The following CNBD1 variants were observed in gnomAD, a reference collection of about 807,000 sequenced individuals.
CNBD1 encodes the protein cyclic nucleotide binding domain containing 1, also known as cyclic nucleotide-binding domain-containing protein 1.
CNBD1 carries 71 observed loss-of-function variants against 54.4 expected under a neutral mutation model. The observed-to-expected ratio is 1.30, with a 90% CI of 1.08 to 1.59. CNBD1 has a LOEUF of 1.59. Among genes scored for constraint, CNBD1 ranks in the 40% most tolerant of loss-of-function variants. CNBD1 has a pLI of 0.00. For synonymous variants in CNBD1, 182 were observed against 170.7 expected, an observed-to-expected ratio of 1.07 and a Z score of -0.51; for missense variants, 659 against 518.0, an observed-to-expected ratio of 1.27 and a Z score of -2.64.
chr8:87,327,779 G>C (rs1809716196), intron 8 of CNBD1, among the ~76,000 whole-genome samples: 2 of 152,278 alleles, frequency 1.3e-5, no homozygotes, highest in East Asian at 3.9e-4. Flanking sequence ...CGCTCACGCT[G>C]GGAGCTGTAG....
chr8:86,962,915 A>G (rs1807968951), intron 4 of CNBD1, among the ~76,000 whole-genome samples: 1 of 152,104 alleles, frequency 6.6e-6, no homozygotes, highest in African/African-American at 2.4e-5. Flanking sequence ...TTGACCCTGG[A>G]GTCCTGTGAA....
chr8:87,369,749 A>C (rs1040348645), intron 10 of CNBD1, among the ~76,000 whole-genome samples: 5 of 151,640 alleles, frequency 3.3e-5, no homozygotes, highest in African/African-American at 9.7e-5. Flanking sequence ...ATTATACTTT[A>C]AGTTTTAGGG....
At chr8:86,942,623 A>G (rs1004036053) in intron 4 of CNBD1, among the ~76,000 whole-genome samples, 1 of 152,224 alleles carries the variant, frequency 6.6e-6, no homozygotes, top group Non-Finnish European at 1.5e-5. Flanking sequence ...CAAAGCTAGC[A>G]AGGGAGAGTC....
intron 6 of CNBD1, among the ~76,000 whole-genome samples, chr8:87,277,868 T>G (rs1175835407): frequency 6.6e-6 from 1 of 151,684 alleles, no homozygotes; most frequent in Non-Finnish European, 1.5e-5. Context: ...GACAACATTT[T>G]TTATAAACAA....
chr8:87,128,150 A>C (rs112130072), intron 4 of CNBD1, among the ~76,000 whole-genome samples: 2,218 of 151,868 alleles, frequency 0.015, 46 homozygotes, highest in African/African-American at 0.05. Context: ...ACTCAATAAA[A>C]CCCCTGCATT....
rs565156563 is a variant in CNBD1 at position 86,926,849 on chromosome 8, A to G, written c.273-12747A>G. ...GTGGTAGTAGGATAATGAAGTAGAT[A>G]AACTGGCTATTCTGGCTTCTGTAGC... On this transcript the variant is annotated intron_variant, in intron 3 of 10. Transcript: ENST00000518476. Among the ~76,000 whole-genome samples the G allele has an allele frequency of 4.1e-4, 62 of 152,302 alleles. 1 individual carries two copies. Among genetic ancestry groups the G allele is most frequent in the African/African-American group, 1.4e-3 (57 of 41,572 alleles).
intron 4 of CNBD1, among the ~76,000 whole-genome samples, chr8:87,068,745 T>A (rs1362753586): frequency 6.6e-6 from 1 of 152,018 alleles, no homozygotes; most frequent in Non-Finnish European, 1.5e-5. Context: ...CAGATAGAAT[T>A]GCTATTTTCT....
At chr8:87,270,576 A>C (rs1324624209) in intron 6 of CNBD1, among the ~76,000 whole-genome samples, 1 of 151,968 alleles carries the variant, frequency 6.6e-6, no homozygotes, top group African/African-American at 2.4e-5. Flanking sequence ...AGAGCTAAAA[A>C]CTGAACTACC....
At chr8:87,114,497 C>T (rs1811731008) in intron 4 of CNBD1, among the ~76,000 whole-genome samples, 1 of 152,116 alleles carries the variant, frequency 6.6e-6, no homozygotes, top group African/African-American at 2.4e-5. Flanking sequence ...TTTACAGGCA[C>T]ATGCCACCAC....
rs1812724952 is a variant in CNBD1 at position 87,155,914 on chromosome 8, C to A, written c.432-50079C>A. Among the ~76,000 whole-genome samples, 2 of 152,048 alleles carry A rather than the reference C, an allele frequency of 1.3e-5. 1 individual carries two copies. Among genetic ancestry groups the A allele is most frequent in the South Asian group, 4.2e-4 (2 of 4,818 alleles). ...TTACATTAAACACTTTACACACATGCTCTCATTTAATTCTCATGAAAACTT... is the reference window on the plus strand; with the variant it reads ...TTACATTAAACACTTTACACACATGATCTCATTTAATTCTCATGAAAACTT... On this transcript the variant is annotated intron_variant, in intron 4 of 10. Coordinates refer to ENST00000518476, the MANE Select transcript of CNBD1 (RefSeq NM_173538.3).
At chr8:86,933,666 C>T (rs375329158) in intron 3 of CNBD1, among the ~76,000 whole-genome samples, 21 of 152,192 alleles carry the variant, frequency 1.4e-4, no homozygotes, top group South Asian at 2.1e-4. Context: ...AATAGTTGTA[C>T]AGTAGCTGGT....
Position 87,343,588 on chromosome 8 carries a change from C to T in CNBD1, c.1043-8097C>T, listed in dbSNP as rs79248113. On this transcript the variant is annotated intron_variant, in intron 8 of 10. Transcript: ENST00000518476. ...TGTCAACATCTCCTGTTAACCTTTCCTATGTGTTGTTTAGGCTTTCAATTA... is the reference window on the plus strand; with the variant it reads ...TGTCAACATCTCCTGTTAACCTTTCTTATGTGTTGTTTAGGCTTTCAATTA... Among the ~76,000 whole-genome samples the T allele has an allele frequency of 6.7e-3, 1,013 of 152,242 alleles. 6 individuals carry two copies. Among genetic ancestry groups the T allele is most frequent in the Non-Finnish European group, 0.011 (776 of 68,028 alleles).
chr8:86,919,682 GTTTAA>G (rs1284238628), intron 3 of CNBD1, among the ~76,000 whole-genome samples: 2 of 152,124 alleles, frequency 1.3e-5, no homozygotes, highest in Admixed American at 6.6e-5. Flanking sequence ...CCTCCTGCTT[GTTTAA>G]TTTAACAATG....
At chr8:87,010,535 G>A (rs1182041367) in intron 4 of CNBD1, among the ~76,000 whole-genome samples, 1 of 152,114 alleles carries the variant, frequency 6.6e-6, no homozygotes, top group Admixed American at 6.5e-5. Context: ...ATCACCTGAG[G>A]TCAGGAGTTC....
At chr8:86,899,345 G>A (rs1475433240) in intron 2 of CNBD1, among the ~76,000 whole-genome samples, 1 of 151,730 alleles carries the variant, frequency 6.6e-6, no homozygotes, top group African/African-American at 2.4e-5. Context: ...AAAAAAAATG[G>A]GTAACTATAT....
At chr8:87,020,513 A>G (rs1285484881) in intron 4 of CNBD1, among the ~76,000 whole-genome samples, 1 of 151,860 alleles carries the variant, frequency 6.6e-6, no homozygotes, top group Non-Finnish European at 1.5e-5. Context: ...GGGACTAAGG[A>G]CTAAGCTCTT....
intron 4 of CNBD1, among the ~76,000 whole-genome samples, chr8:86,964,430 A>G (rs1808017417): frequency 6.6e-6 from 1 of 152,196 alleles, no homozygotes; most frequent in African/African-American, 2.4e-5. Context: ...ATTCTCTGCC[A>G]CTTGCAGGGT....
intron 6 of CNBD1, among the ~76,000 whole-genome samples, chr8:87,266,320 G>A (rs1185966406): frequency 6.8e-6 from 1 of 147,432 alleles, no homozygotes; most frequent in African/African-American, 2.5e-5. Flanking sequence ...TTCCTATTAG[G>A]TATAAAAACA....
rs143255161 is a variant in CNBD1, at chr8:87,397,361, A to C, written c.214-31185A>C. Among the ~76,000 whole-genome samples, 573 of 152,076 alleles carry C rather than the reference A, an allele frequency of 3.8e-3. 6 individuals are homozygous for C. Among genetic ancestry groups the C allele is most frequent in the African/African-American group, 0.013 (557 of 41,564 alleles). On this transcript the variant is annotated intron_variant, in intron 2 of 7. Transcript: ENST00000521593. The stretch of plus-strand genomic sequence containing the variant: ...ATCCATCATCTTGACCCAGTCCTGT[A>C]ATAAGGCAATATTGATAAACCAAAT...
Sources: allele counts gnomAD v4.1 joint callset (sites outside exome capture counted in the v4.1 genomes callset), GRCh38; gene constraint gnomAD v4.1.1; transcripts MANE v1.5; gene names NCBI Gene and HGNC (gene_info 2026-07-23, HGNC 2026-07-21).